Variants in SGCD observed in about 807,000 individuals in gnomAD.
SGCD encodes the protein sarcoglycan delta, also known as delta-sarcoglycan.
Under a neutral mutation model 36.6 loss-of-function variants are expected in SGCD, and 18 were observed. That is an observed-to-expected ratio of 0.49 (90% CI 0.34 to 0.73). The LOEUF (loss-of-function observed/expected upper bound fraction) is 0.73. SGCD is among the 30% of genes least tolerant of loss of function. The pLI, the probability that SGCD is intolerant of heterozygous loss-of-function variation, is 0.01. For synonymous variants in SGCD, 133 were observed against 130.6 expected, an observed-to-expected ratio of 1.02 and a Z score of -0.12; for missense variants, 387 against 346.7, an observed-to-expected ratio of 1.12 and a Z score of -0.92.
intron 3 of SGCD, among the ~76,000 whole-genome samples, chr5:156,438,196 C>T (rs756698915): frequency 6.6e-6 from 1 of 152,176 alleles, no homozygotes; most frequent in Non-Finnish European, 1.5e-5. Flanking sequence ...GTGTTCAGGA[C>T]AAGCTGTGAA....
At chr5:156,134,316 A>G (rs1036137590) in intron 3 of SGCD, among the ~76,000 whole-genome samples, 2 of 152,270 alleles carry the variant, frequency 1.3e-5, no homozygotes, top group Admixed American at 6.5e-5. Flanking sequence ...AAATGCTTTG[A>G]AAACTATCCC....
the SGCD span, among the ~76,000 whole-genome samples, chr5:155,796,462 A>G: frequency 1.3e-5 from 2 of 152,004 alleles, no homozygotes; most frequent in Admixed American, 6.6e-5. Context: ...TGAATAGATG[A>G]TAAGTTATAG....
At chr5:156,541,885 C>A (rs142677958) in intron 4 of SGCD, among the ~76,000 whole-genome samples, 37 of 152,294 alleles carry the variant, frequency 2.4e-4, no homozygotes, top group African/African-American at 6.0e-4. Context: ...TCCAAAGTCT[C>A]TTTTTCTTCC....
intron 3 of SGCD, among the ~76,000 whole-genome samples, chr5:156,184,953 G>A (rs1158051839): frequency 6.6e-6 from 1 of 152,134 alleles, no homozygotes; most frequent in Non-Finnish European, 1.5e-5. Context: ...AGTAGACTGG[G>A]TTTAAGGTGA....
chr5:156,424,924 A>T (rs1773602164), intron 3 of SGCD, among the ~76,000 whole-genome samples: 1 of 152,046 alleles, frequency 6.6e-6, no homozygotes, highest in Non-Finnish European at 1.5e-5. Context: ...AACTTTTTTT[A>T]TTGAGGCTGG....
At chr5:156,701,160 TG>T (rs1359816376) in intron 7 of SGCD, among the ~76,000 whole-genome samples, 1 of 152,204 alleles carries the variant, frequency 6.6e-6, no homozygotes, top group Non-Finnish European at 1.5e-5. Context: ...CCATGGGAAT[TG>T]GATTTCCAAC....
chr5:156,553,661 ATC>A (rs1484200755), intron 4 of SGCD, among the ~76,000 whole-genome samples: 2 of 152,108 alleles, frequency 1.3e-5, no homozygotes, highest in Non-Finnish European at 2.9e-5. Flanking sequence ...TCTGCTGTCT[ATC>A]TCTATGGGTC....
In SGCD at chr5:155,873,508, C is replaced by G. The variant is rs558713154; in HGVS notation, c.-282+3084C>G. On this transcript the variant is annotated intron_variant, in intron 1 of 9. Transcript: ENST00000517913. ...TGGACACAGAAAGTGGAATAATAGA[C>G]ATGTAGACTTGGAAGGGTGCCAGGG... 4.6e-5 allele frequency among the ~76,000 whole-genome samples: 7 copies of G among 152,158 alleles called. No individual in the cohort carries two copies. The East Asian group carries it at 1.4e-3, about 29-fold the overall frequency.
At chr5:156,155,613 G>GAAAAA (rs56154305) in intron 3 of SGCD, among the ~76,000 whole-genome samples, 1 of 131,176 alleles carries the variant, frequency 7.6e-6, no homozygotes. Context: ...CGTGGGCTAG[G>GAAAAA]AAAAAAAAAA....
the SGCD span, among the ~76,000 whole-genome samples, chr5:155,837,444 C>T: frequency 1.3e-5 from 2 of 152,210 alleles, no homozygotes; most frequent in African/African-American, 4.8e-5. Context: ...TGGCATGAGT[C>T]ACTGCGCCCA....
intron 6 of SGCD, among the ~76,000 whole-genome samples, chr5:156,642,654 C>T (rs1020382634): frequency 4.6e-5 from 7 of 151,290 alleles, no homozygotes; most frequent in African/African-American, 4.8e-5. Flanking sequence ...TTTTTAGTAG[C>T]GACAAGGTTT....
At chr5:156,690,357 C>T (rs1386610196) in intron 7 of SGCD, among the ~76,000 whole-genome samples, 2 of 152,162 alleles carry the variant, frequency 1.3e-5, no homozygotes, top group Admixed American at 6.6e-5. Flanking sequence ...GTTAAAACAA[C>T]AGTGGGACTC....
At chr5:155,968,339 G>A (rs576737162) in intron 1 of SGCD, among the ~76,000 whole-genome samples, 16 of 152,088 alleles carry the variant, frequency 1.1e-4, no homozygotes, top group East Asian at 5.8e-4. Flanking sequence ...GATACTTATC[G>A]TTTTAGTCAT....
chr5:156,369,007 C>G (rs925896373), intron 3 of SGCD, among the ~76,000 whole-genome samples: 2 of 152,306 alleles, frequency 1.3e-5, no homozygotes, highest in Middle Eastern at 3.4e-3. Flanking sequence ...GACCGCTGCT[C>G]TATATGCTTG....
At chr5:156,737,535 T>C (rs1321057648) in intron 7 of SGCD, among the ~76,000 whole-genome samples, 1 of 152,218 alleles carries the variant, frequency 6.6e-6, no homozygotes, top group South Asian at 2.1e-4. Context: ...AAGACACTAA[T>C]ATTGTTTTCA....
chr5:155,977,004 T>A (rs1466489547), intron 1 of SGCD, among the ~76,000 whole-genome samples: 2 of 152,202 alleles, frequency 1.3e-5, no homozygotes, highest in Non-Finnish European at 2.9e-5. Flanking sequence ...GTTCTTAGAA[T>A]AAGAAGAGCA....
intron 7 of SGCD, chr5:156,704,188 C>T (rs1205388083): frequency 1.3e-5 from 2 of 152,190 alleles, no homozygotes; most frequent in Non-Finnish European, 2.9e-5. Context: ...GTTCCGTTTT[C>T]CCTCCTGTGG....
chr5:156,513,723 G>A (rs540596712), intron 4 of SGCD, among the ~76,000 whole-genome samples: 3 of 152,332 alleles, frequency 2.0e-5, no homozygotes, highest in South Asian at 2.1e-4. Flanking sequence ...CCCTAGTAAA[G>A]TCACTACAAA....
At chr5:156,472,237 A>G (rs1755003241) in intron 3 of SGCD, among the ~76,000 whole-genome samples, 1 of 152,236 alleles carries the variant, frequency 6.6e-6, no homozygotes, top group Admixed American at 6.5e-5. Context: ...CTTATGACCC[A>G]GCAGCTAAAA....
Sources: gnomAD v4.1 joint callset for allele counts (sites outside exome capture counted in the v4.1 genomes callset) on GRCh38, gnomAD v4.1.1 for gene constraint, MANE v1.5 for transcripts, NCBI Gene and HGNC (gene_info 2026-07-23, HGNC 2026-07-21) for gene names.